Variants in CPQ observed in about 807,000 individuals in gnomAD.
CPQ encodes the protein carboxypeptidase Q.
CPQ carries 37 observed loss-of-function variants against 45.7 expected under a neutral mutation model. The ratio of observed to expected loss-of-function variants is 0.81; its 90% CI spans 0.62 to 1.07. The LOEUF (loss-of-function observed/expected upper bound fraction) is 1.07. Among genes scored for constraint, CPQ ranks in the 50% least tolerant of loss-of-function variants. CPQ has a pLI of 0.00. For synonymous variants in CPQ, 186 were observed against 205.8 expected (o/e 0.90, Z 0.82); for missense variants, 537 against 572.9 (o/e 0.94, Z 0.64).
chr8:96,727,640 A>AT (rs918970390), intron 1 of CPQ, among the ~76,000 whole-genome samples: 5 of 151,924 alleles, frequency 3.3e-5, no homozygotes, highest in Middle Eastern at 3.4e-3. Flanking sequence ...CAGATTCCGG[A>AT]TTTTTTTTCT....
chr8:97,110,481 G>A (rs909329201), intron 7 of CPQ, among the ~76,000 whole-genome samples: 1 of 151,962 alleles, frequency 6.6e-6, no homozygotes, highest in Non-Finnish European at 1.5e-5. Context: ...AAATATCTAG[G>A]AGTGGGATTG....
intron 5 of CPQ, among the ~76,000 whole-genome samples, chr8:97,021,365 C>T (rs1809678333): frequency 6.6e-6 from 1 of 152,068 alleles, no homozygotes; most frequent in Non-Finnish European, 1.5e-5. Flanking sequence ...ACTGGAAGTC[C>T]TAGCCAGAGC....
chr8:96,817,303 T>G (rs1221104463), intron 2 of CPQ, among the ~76,000 whole-genome samples: 1 of 152,178 alleles, frequency 6.6e-6, no homozygotes, highest in Non-Finnish European at 1.5e-5. Context: ...CTAGCTTATA[T>G]GGGTGCAGTT....
rs1563587408 is a variant in CPQ, at chr8:97,123,211, T to TAA, written c.1256-19806_1256-19805dup. On this transcript the variant is annotated intron_variant, in intron 7 of 7. Transcript: ENST00000220763. The stretch of plus-strand genomic sequence containing the variant: ...AAATAAAATAAAATAAAATAAAAAA[T>TAA]AAAATAAAATAAAATAAAATAAAAT... 2.8e-3 allele frequency among the ~76,000 whole-genome samples: 190 copies of TAA among 67,644 alleles called. 1 individual carries two copies. The highest frequency in any genetic ancestry group is 1.0e-2 in the African/African-American group (159 of 15,972). 44.4% of individuals were successfully genotyped at this position (67,644 alleles called of 152,430 possible).
intron 7 of CPQ, among the ~76,000 whole-genome samples, chr8:97,117,760 A>G (rs1811619730): frequency 6.6e-6 from 1 of 152,100 alleles, no homozygotes; most frequent in Non-Finnish European, 1.5e-5. Flanking sequence ...GCTGGTCTCA[A>G]ACTTCCAGTC....
intron 4 of CPQ, among the ~76,000 whole-genome samples, chr8:96,920,201 T>TGG (rs1479814824): frequency 6.6e-6 from 1 of 152,012 alleles, no homozygotes; most frequent in African/African-American, 2.4e-5. Context: ...AATTGGGGGA[T>TGG]GGAGGGGTTG....
At chr8:96,953,945 A>G (rs993662169) in intron 4 of CPQ, among the ~76,000 whole-genome samples, 1 of 152,190 alleles carries the variant, frequency 6.6e-6, no homozygotes, top group African/African-American at 2.4e-5. Flanking sequence ...CAACATATTA[A>G]TGATTCATCT....
intron 2 of CPQ, among the ~76,000 whole-genome samples, chr8:96,790,476 G>A (rs1810832145): frequency 6.6e-6 from 1 of 152,166 alleles, no homozygotes; most frequent in Admixed American, 6.5e-5. Context: ...TGGCACCTCA[G>A]TTCTCTTGGC....
intron 1 of CPQ, among the ~76,000 whole-genome samples, chr8:96,674,621 C>T (rs543060078): frequency 8.5e-5 from 13 of 152,200 alleles, no homozygotes; most frequent in Admixed American, 7.9e-4. Flanking sequence ...CTTGGCATAG[C>T]AGTTCTAAAG....
At chr8:96,931,617 C>G (rs947333711) in intron 4 of CPQ, among the ~76,000 whole-genome samples, 6 of 152,098 alleles carry the variant, frequency 3.9e-5, no homozygotes, top group African/African-American at 1.4e-4. Flanking sequence ...TATGACTTCC[C>G]TTTCTTCAGC....
chr8:96,955,210 A>G lies in CPQ; in HGVS notation c.850-10725A>G, dbSNP rs994263797. Among the ~76,000 whole-genome samples the G allele has an allele frequency of 7.1e-4, 108 of 152,274 alleles. 1 individual carries two copies. The highest frequency in any genetic ancestry group is 2.6e-3 in the African/African-American group (107 of 41,562). ...AATGGTTGAACTAGTTTACAGTCCC[A>G]CCAACAGTGTAAAAGTGTTCCTCTT... On this transcript the variant is annotated intron_variant, in intron 4 of 7. Transcript: ENST00000220763.
At chr8:96,996,606 AAAT>A (rs1809182602) in intron 5 of CPQ, among the ~76,000 whole-genome samples, 1 of 152,078 alleles carries the variant, frequency 6.6e-6, no homozygotes, top group Non-Finnish European at 1.5e-5. Flanking sequence ...TTAGGAGTCA[AAAT>A]GTGTATCTGT....
rs146379889 is a variant in CPQ, at chr8:97,010,513, C to T, written c.962-18890C>T. 9.2e-5 allele frequency among the ~76,000 whole-genome samples: 14 copies of T among 152,244 alleles called. No homozygotes were observed. The East Asian group carries it at 2.3e-3, about 25-fold the overall frequency. ...GATAATGTCTGGAAAGAACTTAGCA[C>T]AGCGTCTGGCATAGTGTTAAGTACC... is the stretch of plus-strand genomic sequence containing the variant. On this transcript the variant is annotated intron_variant, in intron 5 of 7. Coordinates refer to ENST00000220763, the MANE Select transcript of CPQ (RefSeq NM_016134.4).
intron 6 of CPQ, among the ~76,000 whole-genome samples, chr8:97,063,208 A>G (rs781190810): frequency 6.6e-6 from 1 of 151,842 alleles, no homozygotes; most frequent in Non-Finnish European, 1.5e-5. Flanking sequence ...TGTGGTTTTG[A>G]TTTGCATTTC....
intron 4 of CPQ, among the ~76,000 whole-genome samples, chr8:96,896,208 C>T (rs1347555074): frequency 6.6e-6 from 1 of 152,086 alleles, no homozygotes; most frequent in East Asian, 1.9e-4. Flanking sequence ...CCCTCTCCAC[C>T]TGTCTTGCAT....
At chr8:96,861,435 G>T (rs900302401) in intron 3 of CPQ, among the ~76,000 whole-genome samples, 4 of 152,078 alleles carry the variant, frequency 2.6e-5, no homozygotes, top group Non-Finnish European at 5.9e-5. Context: ...ATTGAGGAAG[G>T]TTGTTTAGGT....
intron 2 of CPQ, among the ~76,000 whole-genome samples, chr8:96,809,168 A>G (rs902707286): frequency 5.9e-5 from 9 of 151,968 alleles, no homozygotes; most frequent in Non-Finnish European, 1.3e-4. Context: ...CTTATTATAC[A>G]TATATTGAAC....
chr8:96,828,251 G>T (rs1373421955), intron 2 of CPQ, among the ~76,000 whole-genome samples: 4 of 151,952 alleles, frequency 2.6e-5, no homozygotes, highest in African/African-American at 9.7e-5. Flanking sequence ...TCCTCAAGCT[G>T]AGCCTAGTGA....
chr8:96,736,889 A>G (rs780890391), intron 1 of CPQ, among the ~76,000 whole-genome samples: 6 of 152,062 alleles, frequency 3.9e-5, no homozygotes, highest in Non-Finnish European at 5.9e-5. Flanking sequence ...GAATATGTCT[A>G]TTTCACCTAA....
Sources: gnomAD v4.1 joint callset for allele counts (sites outside exome capture counted in the v4.1 genomes callset) on GRCh38, gnomAD v4.1.1 for gene constraint, MANE v1.5 for transcripts, NCBI Gene and HGNC (gene_info 2026-07-23, HGNC 2026-07-21) for gene names.